Variants in FRMD6 observed in about 807,000 individuals in gnomAD.
FRMD6 encodes FERM domain containing 6, also known as FERM domain-containing protein 6.
FRMD6 carries 37 observed loss-of-function variants against 73.2 expected under a neutral mutation model. That is an observed-to-expected ratio of 0.51 (90% CI 0.39 to 0.66). The LOEUF is 0.66. FRMD6 is among the 30% of genes least tolerant of loss of function. The pLI, the probability that FRMD6 is intolerant of heterozygous loss-of-function variation, is 0.00. For missense variants in FRMD6, 714 were observed against 780.5 expected (o/e 0.91, Z 1.02); for synonymous variants, 273 against 282.2 (o/e 0.97, Z 0.33).
chr14:51,588,902 C>T (rs765656770), intron 2 of FRMD6, among the ~76,000 whole-genome samples: 3 of 152,136 alleles, frequency 2.0e-5, no homozygotes, highest in Admixed American at 6.5e-5. Flanking sequence ...GGGGACTGTG[C>T]GCCACGGCTG....
At chr14:51,497,444 A>C (rs1883370634) in intron 1 of FRMD6, among the ~76,000 whole-genome samples, 3 of 152,100 alleles carry the variant, frequency 2.0e-5, no homozygotes, top group South Asian at 4.2e-4. Context: ...ATTAGACAAA[A>C]TCTATACCCA....
At chr14:51,660,582 G>A (rs1893144940) in intron 1 of FRMD6, among the ~76,000 whole-genome samples, 1 of 149,008 alleles carries the variant, frequency 6.7e-6, no homozygotes, top group Non-Finnish European at 1.5e-5. Flanking sequence ...CACTGGTCTA[G>A]GTCTGAGAGA....
chr14:51,402,285 G>T, the FRMD6 span, among the ~76,000 whole-genome samples: 2 of 152,154 alleles, frequency 1.3e-5, no homozygotes, highest in African/African-American at 4.8e-5. Flanking sequence ...ACTATCTCTG[G>T]CCAGGCAGCT....
At chr14:51,631,210 T>C (rs1783131109) in intron 2 of FRMD6, among the ~76,000 whole-genome samples, 1 of 152,176 alleles carries the variant, frequency 6.6e-6, no homozygotes, top group African/African-American at 2.4e-5. Flanking sequence ...CTGATGTCAT[T>C]GCCACCCACC....
chr14:51,433,371 G>A, the FRMD6 span, among the ~76,000 whole-genome samples: 5 of 152,028 alleles, frequency 3.3e-5, no homozygotes, highest in Non-Finnish European at 7.4e-5. Flanking sequence ...AAAAAAATGA[G>A]GAAAATCTCT....
chr14:51,672,269 A>T (rs886330226), intron 1 of FRMD6, among the ~76,000 whole-genome samples: 13 of 152,194 alleles, frequency 8.5e-5, no homozygotes, highest in African/African-American at 2.9e-4. Flanking sequence ...GAGTCTTTTG[A>T]GAAAGTTAGT....
At chr14:51,434,153 C>T in the FRMD6 span, among the ~76,000 whole-genome samples, 2 of 152,024 alleles carry the variant, frequency 1.3e-5, no homozygotes, top group African/African-American at 2.4e-5. Context: ...GAGGTATCAG[C>T]GTAAACTCAT....
chr14:51,446,696 T>A, the FRMD6 span, among the ~76,000 whole-genome samples: 1 of 152,218 alleles, frequency 6.6e-6, no homozygotes, highest in Non-Finnish European at 1.5e-5. Context: ...GCCCTCAAGG[T>A]ACTCTTGTGC....
At chr14:51,652,658 G>A (rs1211545939) in intron 1 of FRMD6, among the ~76,000 whole-genome samples, 4 of 152,244 alleles carry the variant, frequency 2.6e-5, no homozygotes, top group African/African-American at 9.6e-5. Context: ...CGCCAGACGG[G>A]GGCCTGGGTG....
chr14:51,625,893 C>T (rs188794634), intron 2 of FRMD6, among the ~76,000 whole-genome samples: 34 of 152,286 alleles, frequency 2.2e-4, no homozygotes, highest in Admixed American at 2.2e-3. Flanking sequence ...TACTCCACCA[C>T]GTGTTAGGGA....
At chr14:51,571,738 A>G (rs1466410062) in intron 2 of FRMD6, among the ~76,000 whole-genome samples, 1 of 152,208 alleles carries the variant, frequency 6.6e-6, no homozygotes, top group African/African-American at 2.4e-5. Context: ...TATATAATGA[A>G]GATACTAATA....
rs182760008 is a variant in FRMD6 at position 51,505,076 on chromosome 14, A to G, written c.-210+15656A>G. ...TCCTTGGGTGGCTTACACATCTCCAATGGGGAAGCAGAATCTTCTACCCAG... is the reference window on the plus strand; with the variant it reads ...TCCTTGGGTGGCTTACACATCTCCAGTGGGGAAGCAGAATCTTCTACCCAG... On this transcript the variant is annotated intron_variant, in intron 1 of 14. Transcript: ENST00000356218. Among the ~76,000 whole-genome samples the G allele has an allele frequency of 6.6e-5, 10 of 152,266 alleles. No homozygotes were observed. In the East Asian group the frequency reaches 1.7e-3, roughly 27 times the overall value.
the FRMD6 span, among the ~76,000 whole-genome samples, chr14:51,445,629 A>G: frequency 6.6e-6 from 1 of 152,154 alleles, no homozygotes; most frequent in African/African-American, 2.4e-5. Flanking sequence ...ACCTGCTAAC[A>G]CCTCATCAGA....
chr14:51,567,795 A>G (rs1029285582), intron 1 of FRMD6, among the ~76,000 whole-genome samples: 4 of 152,186 alleles, frequency 2.6e-5, no homozygotes, highest in African/African-American at 9.7e-5. Context: ...TGATTATTTC[A>G]TATGTACAGA....
At chr14:51,693,425 A>T (rs1895738934) in intron 2 of FRMD6, among the ~76,000 whole-genome samples, 4 of 152,160 alleles carry the variant, frequency 2.6e-5, no homozygotes, top group Admixed American at 1.3e-4. Flanking sequence ...TATCACGATT[A>T]AGGTGGGTTT....
chr14:51,414,866 C>G, the FRMD6 span, among the ~76,000 whole-genome samples: 636 of 152,232 alleles, frequency 4.2e-3, 5 homozygotes, highest in African/African-American at 0.015. Flanking sequence ...AGATCCTTCA[C>G]ATCCCTTGTA....
intron 1 of FRMD6, among the ~76,000 whole-genome samples, chr14:51,556,095 G>A (rs1488910850): frequency 2.0e-5 from 3 of 152,140 alleles, no homozygotes; most frequent in African/African-American, 7.2e-5. Context: ...ACTGCCAAAG[G>A]GCCTTGCATC....
At chr14:51,663,828 C>T (rs1893392394) in intron 1 of FRMD6, among the ~76,000 whole-genome samples, 1 of 152,232 alleles carries the variant, frequency 6.6e-6, no homozygotes, top group Admixed American at 6.5e-5. Context: ...GCACCAGCAT[C>T]TGGCCCAGGT....
chr14:51,550,922 C>T (rs953344171), intron 1 of FRMD6, among the ~76,000 whole-genome samples: 1 of 152,168 alleles, frequency 6.6e-6, no homozygotes, highest in African/African-American at 2.4e-5. Context: ...ATTCCCTCCC[C>T]GTTTGCTGGT....
Sources: allele counts gnomAD v4.1 joint callset (sites outside exome capture counted in the v4.1 genomes callset), GRCh38; gene constraint gnomAD v4.1.1; transcripts MANE v1.5; gene names NCBI Gene and HGNC (gene_info 2026-07-23, HGNC 2026-07-21).